The following ERC2 variants were observed in gnomAD, a reference collection of about 807,000 sequenced individuals.
ERC2 encodes ELKS/RAB6-interacting/CAST family member 2, also known as ERC protein 2.
ERC2 carries 42 observed loss-of-function variants against 114.8 expected under a neutral mutation model. The ratio of observed to expected loss-of-function variants is 0.37; its 90% CI spans 0.29 to 0.47. ERC2 has a LOEUF of 0.47. Ranked by LOEUF, ERC2 falls within the 20% of genes least tolerant of loss-of-function variation. The probability of loss-of-function intolerance (pLI) is 0.99; values close to 1 mark genes in which losing one functional copy is unlikely to be tolerated. For synonymous variants in ERC2, 454 were observed against 425.5 expected, an observed-to-expected ratio of 1.07 and a Z score of -0.82; for missense variants, 939 against 1,150.7, an observed-to-expected ratio of 0.82 and a Z score of 2.66.
intron 7 of ERC2, among the ~76,000 whole-genome samples, chr3:56,051,803 C>T (rs1378500133): frequency 6.9e-5 from 10 of 145,742 alleles, no homozygotes; most frequent in South Asian, 2.3e-4. Flanking sequence ...TCCAGCCTGG[C>T]GACAGAGTGA....
chr3:55,888,656 C>T (rs1379158391), intron 13 of ERC2, 107 bp from the exon 14 acceptor site: 1 of 1,368,854 alleles, frequency 7.3e-7, no homozygotes, highest in African/African-American at 1.4e-5. Context: ...CACAGGGATC[C>T]TTGAACTGGG....
At chr3:56,033,944 C>T (rs1269638124) in intron 7 of ERC2, among the ~76,000 whole-genome samples, 1 of 152,098 alleles carries the variant, frequency 6.6e-6, no homozygotes, top group Admixed American at 6.6e-5. Flanking sequence ...AGCAGTAAGT[C>T]CTTACCTATA....
At chr3:56,114,526 C>T (rs1395832945) in intron 6 of ERC2, among the ~76,000 whole-genome samples, 2 of 152,096 alleles carry the variant, frequency 1.3e-5, no homozygotes, top group African/African-American at 4.8e-5. Context: ...CTCTGGGGTT[C>T]CTTTAGCCAA....
intron 13 of ERC2, among the ~76,000 whole-genome samples, chr3:55,934,886 T>C (rs2066339858): frequency 6.6e-6 from 1 of 152,218 alleles, no homozygotes; most frequent in Non-Finnish European, 1.5e-5. Context: ...AAAAATTAGC[T>C]TGCTTCATTT....
chr3:55,711,841 T>C (rs1040366459), intron 15 of ERC2, among the ~76,000 whole-genome samples: 1 of 152,370 alleles, frequency 6.6e-6, no homozygotes, highest in South Asian at 2.1e-4. Flanking sequence ...GCTGTTTCTA[T>C]AATGTGCTAG....
chr3:55,773,657 A>C (rs545672485), intron 14 of ERC2, among the ~76,000 whole-genome samples: 1 of 152,372 alleles, frequency 6.6e-6, no homozygotes, highest in South Asian at 2.1e-4. Flanking sequence ...TGCTGCGCAC[A>C]AAGTAGGCCC....
intron 2 of ERC2, among the ~76,000 whole-genome samples, chr3:56,339,327 T>G (rs1056598639): frequency 6.6e-6 from 1 of 152,006 alleles, no homozygotes; most frequent in Admixed American, 6.6e-5. Context: ...TATGGAATGC[T>G]TTGGTTTCAT....
At chr3:56,318,774 T>G (rs945702361) in intron 2 of ERC2, among the ~76,000 whole-genome samples, 2 of 149,664 alleles carry the variant, frequency 1.3e-5, no homozygotes, top group African/African-American at 5.0e-5. Flanking sequence ...TCTATTAGGA[T>G]GGCTGTTATA....
At chr3:55,563,974 G>T (rs557277980) in intron 17 of ERC2, among the ~76,000 whole-genome samples, 1 of 152,322 alleles carries the variant, frequency 6.6e-6, no homozygotes, top group South Asian at 2.1e-4. Flanking sequence ...GCGTGATCAA[G>T]ACCATAAGAG....
intron 17 of ERC2, among the ~76,000 whole-genome samples, chr3:55,532,914 C>A (rs904077079): frequency 3.9e-5 from 6 of 152,250 alleles, no homozygotes; most frequent in Non-Finnish European, 7.3e-5. Flanking sequence ...AGGTCCCTGG[C>A]TCTCACAGGG....
intron 2 of ERC2, among the ~76,000 whole-genome samples, chr3:56,383,647 C>T (rs530832616): frequency 2.5e-4 from 37 of 150,036 alleles, no homozygotes; most frequent in African/African-American, 8.5e-4. Context: ...AATCTCATCC[C>T]TGTCATTATG....
chr3:55,767,579 A>C (rs1040502585), intron 14 of ERC2, among the ~76,000 whole-genome samples: 2 of 152,010 alleles, frequency 1.3e-5, no homozygotes, highest in African/African-American at 2.4e-5. Flanking sequence ...ATGCGTATAG[A>C]CCTCTAAGAA....
intron 3 of ERC2, among the ~76,000 whole-genome samples, chr3:56,262,011 A>G (rs1041857652): frequency 6.6e-6 from 1 of 152,154 alleles, no homozygotes; most frequent in African/African-American, 2.4e-5. Context: ...AAGGGCCTCC[A>G]GCTCCATCCA....
chr3:56,138,016 C>A (rs1466099249), intron 6 of ERC2, among the ~76,000 whole-genome samples: 5 of 150,092 alleles, frequency 3.3e-5, no homozygotes, highest in African/African-American at 4.9e-5. Flanking sequence ...CCTTTGCATT[C>A]ACAGTGGAAC....
chr3:56,307,700 T>C (rs2056307465), intron 2 of ERC2, among the ~76,000 whole-genome samples: 1 of 152,148 alleles, frequency 6.6e-6, no homozygotes, highest in African/African-American at 2.4e-5. Flanking sequence ...TTCAATAGTG[T>C]TTCCCCAAAT....
intron 16 of ERC2, among the ~76,000 whole-genome samples, chr3:55,691,570 A>ATT (rs2062659305): frequency 1.6e-5 from 1 of 62,338 alleles, no homozygotes; most frequent in African/African-American, 7.0e-5. Context: ...AAAAAAAAAA[A>ATT]AAAATATATA....
chr3:55,907,722 G>A (rs2064545071), intron 13 of ERC2, among the ~76,000 whole-genome samples: 1 of 152,176 alleles, frequency 6.6e-6, no homozygotes, highest in African/African-American at 2.4e-5. Context: ...GTGACCTTGA[G>A]CAAGCCACTT....
chr3:56,248,165 T>C (rs2051852653), intron 3 of ERC2, among the ~76,000 whole-genome samples: 1 of 152,176 alleles, frequency 6.6e-6, no homozygotes, highest in Non-Finnish European at 1.5e-5. Context: ...TCATAGTTCA[T>C]TGTAACCTGG....
chr3:56,466,055 C>T (rs1282933525), intron 1 of ERC2, among the ~76,000 whole-genome samples: 8 of 152,238 alleles, frequency 5.3e-5, no homozygotes, highest in Non-Finnish European at 1.2e-4. Context: ...TCTAGTTACT[C>T]ATCTATAATT....
Sources: gnomAD v4.1 joint callset for allele counts (sites outside exome capture counted in the v4.1 genomes callset) on GRCh38, gnomAD v4.1.1 for gene constraint, MANE v1.5 for transcripts, NCBI Gene and HGNC (gene_info 2026-07-23, HGNC 2026-07-21) for gene names.